Variants in OR2A7 observed in about 807,000 individuals in gnomAD.
OR2A7 encodes the protein olfactory receptor 2A7.
For synonymous variants in OR2A7, 10 were observed against 147.1 expected (o/e 0.07, Z 6.74); for missense variants, 35 against 359.2 (o/e 0.10, Z 7.30).
intron 1 of OR2A7, 149 bp downstream of exon 1, chr7:144,264,552 T>G (rs1314893437): frequency 1.3e-5 from 2 of 152,070 alleles, no homozygotes; most frequent in African/African-American, 2.4e-5. Context: ...TGAGCCACTG[T>G]GCCTGGCCTT....
intron 1 of OR2A7, among the ~76,000 whole-genome samples, chr7:144,260,061 A>T (rs2052622187): frequency 1.6e-5 from 2 of 124,952 alleles, no homozygotes; most frequent in Admixed American, 8.4e-5. Context: ...GTGAGCCGAG[A>T]TCACAACACT....
intron 1 of OR2A7, among the ~76,000 whole-genome samples, chr7:144,262,218 A>T (rs1248334248): frequency 2.6e-5 from 4 of 151,552 alleles, no homozygotes; most frequent in Non-Finnish European, 5.9e-5. Context: ...AGCCACAGTG[A>T]TAAAGAGAAT....
intron 1 of OR2A7, among the ~76,000 whole-genome samples, chr7:144,260,712 A>G (rs1425870437): frequency 6.6e-6 from 1 of 151,936 alleles, no homozygotes; most frequent in East Asian, 1.9e-4. Context: ...GAATGACTGA[A>G]TAGATTTGCA....
intron 1 of OR2A7, among the ~76,000 whole-genome samples, chr7:144,264,181 C>T (rs1211915434): frequency 2.0e-5 from 3 of 151,978 alleles, no homozygotes; most frequent in Admixed American, 6.6e-5. Flanking sequence ...TCCTACTGCA[C>T]TCCCAGCGTG....
intron 1 of OR2A7, among the ~76,000 whole-genome samples, chr7:144,261,935 C>G (rs1563087978): frequency 6.6e-6 from 1 of 151,934 alleles, no homozygotes; most frequent in East Asian, 1.9e-4. Context: ...TACAGTGTGG[C>G]TGAGTTTACT....
intron 1 of OR2A7, among the ~76,000 whole-genome samples, chr7:144,264,472 C>T (rs1362420689): frequency 3.3e-5 from 5 of 151,944 alleles, no homozygotes; most frequent in Admixed American, 6.6e-5. Flanking sequence ...TGTTGGTCAG[C>T]GTTTTCTTGA....
At chr7:144,260,111 G>GAAAAAAAA (rs1162605720) in intron 1 of OR2A7, among the ~76,000 whole-genome samples, 12 of 87,654 alleles carry the variant, frequency 1.4e-4, no homozygotes, top group African/African-American at 1.7e-4. Context: ...TCTGTCTCCA[G>GAAAAAAAA]AAAAAAAAAA....
intron 1 of OR2A7, among the ~76,000 whole-genome samples, chr7:144,261,395 T>C (rs1320046313): frequency 1.3e-5 from 2 of 150,732 alleles, no homozygotes; most frequent in Admixed American, 1.3e-4. Flanking sequence ...CTAAGCACTT[T>C]GGGAGGCTGA....
At chr7:144,261,884 A>G (rs1385281690) in intron 1 of OR2A7, among the ~76,000 whole-genome samples, 2 of 152,006 alleles carry the variant, frequency 1.3e-5, no homozygotes, top group Non-Finnish European at 2.9e-5. Flanking sequence ...ACTGCTGTGT[A>G]AGAACCTAGA....
intron 1 of OR2A7, among the ~76,000 whole-genome samples, chr7:144,264,152 G>A (rs1353926505): frequency 6.6e-6 from 1 of 151,808 alleles, no homozygotes; most frequent in African/African-American, 2.4e-5. Flanking sequence ...CATGTTTGTG[G>A]GATTGCTGCT....
intron 1 of OR2A7, among the ~76,000 whole-genome samples, chr7:144,260,249 CT>C (rs1217050853): frequency 7.0e-6 from 1 of 142,558 alleles, no homozygotes; most frequent in South Asian, 2.3e-4. Context: ...TCCTTTTGGT[CT>C]TTTTTTAAAA....
intron 1 of OR2A7, among the ~76,000 whole-genome samples, chr7:144,260,780 A>G (rs1243462611): frequency 1.3e-5 from 2 of 151,490 alleles, no homozygotes; most frequent in Non-Finnish European, 1.5e-5. Flanking sequence ...ATTTGGGCTT[A>G]CTATTGATAA....
chr7:144,260,634 T>A lies in OR2A7; in HGVS notation c.-4-1002A>T, dbSNP rs1403631438. 5.9e-5 allele frequency among the ~76,000 whole-genome samples: 9 copies of A among 152,094 alleles called. 1 individual carries two copies. Among genetic ancestry groups the A allele is most frequent in the African/African-American group, 1.9e-4 (8 of 41,518 alleles). On this transcript the variant is annotated intron_variant, in intron 1 of 1. Transcript: ENST00000641841. ...CTTTTCTTATCCAAGTGTAAAGACT[T>A]ATTTTTTAGCCCAGAACCTTATTTT...
intron 1 of OR2A7, among the ~76,000 whole-genome samples, chr7:144,260,330 A>G (rs1159713082): frequency 1.3e-5 from 2 of 150,464 alleles, no homozygotes; most frequent in Non-Finnish European, 3.0e-5. Flanking sequence ...TGTTTGATTC[A>G]GTGAGCTATC....
In OR2A7 at chr7:144,259,422, G is replaced by T; in HGVS notation, c.207C>A (p.Asp69Glu). 6.9e-7 allele frequency: 1 copy of T among 1,458,866 alleles called. No individual in the cohort carries two copies. Among genetic ancestry groups the T allele is most frequent in the Non-Finnish European group, 9.5e-7 (1 of 1,055,668 alleles). The allele number at this position is 1,458,866 out of a possible 1,614,324, so 90.4% of individuals were successfully genotyped here. ...GCACCGTGTTGCAGGCGTAGGCGAT[G>T]TCGACGACCGCCAGGTGTGAGAGGA... ...YFFLSHLAVV[D>E]IAYACNTVPR... Residue 69 changes from aspartate to glutamate, a missense_variant, in exon 2 of 2, where the codon GAC (aspartate) becomes GAA (glutamate). Asp to Glu is a conservative substitution (Grantham distance 45). Coordinates refer to ENST00000641841, the MANE Select transcript of OR2A7 (RefSeq NM_001005328.2).
intron 1 of OR2A7, among the ~76,000 whole-genome samples, chr7:144,260,149 A>G (rs1616068): frequency 0.018 from 2,082 of 117,288 alleles, 59 homozygotes; most frequent in Middle Eastern, 0.049. Flanking sequence ...AAAAAAACGC[A>G]TGCACACGTA....
chr7:144,264,480 T>C (rs1157610986), intron 1 of OR2A7, among the ~76,000 whole-genome samples: 2 of 151,992 alleles, frequency 1.3e-5, no homozygotes, highest in African/African-American at 4.8e-5. Context: ...AGCGTTTTCT[T>C]GAACTCCTGA....
At chr7:144,260,141 A>G (rs1478205826) in intron 1 of OR2A7, among the ~76,000 whole-genome samples, 2 of 128,972 alleles carry the variant, frequency 1.6e-5, no homozygotes, top group African/African-American at 5.4e-5. Flanking sequence ...GAAAAGGAAA[A>G]AAAACGCATG....
chr7:144,261,224 A>C (rs1220375210), intron 1 of OR2A7, among the ~76,000 whole-genome samples: 1 of 151,710 alleles, frequency 6.6e-6, no homozygotes, highest in Non-Finnish European at 1.5e-5. Context: ...CTAAACTTTG[A>C]GCTCCTAATC....
Sources: allele counts gnomAD v4.1 joint callset (sites outside exome capture counted in the v4.1 genomes callset), GRCh38; gene constraint gnomAD v4.1.1; transcripts MANE v1.5; gene names NCBI Gene and HGNC (gene_info 2026-07-23, HGNC 2026-07-21).